The following MYO10 variants were observed in gnomAD, a reference collection of about 807,000 sequenced individuals.
MYO10 encodes the protein unconventional myosin-X.
Under a neutral mutation model 257.3 loss-of-function variants are expected in MYO10, and 133 were observed. That is an observed-to-expected ratio of 0.52 (90% CI 0.45 to 0.60). MYO10 has a LOEUF of 0.60. Among genes scored for constraint, MYO10 ranks in the 20% least tolerant of loss-of-function variants. The probability of loss-of-function intolerance (pLI) is 0.00; values close to 1 mark genes in which losing one functional copy is unlikely to be tolerated. For missense variants in MYO10, 2,399 were observed against 2,635.7 expected (o/e 0.91, Z 1.97); for synonymous variants, 1,104 against 1,028.6 (o/e 1.07, Z -1.40).
chr5:16,912,874 CA>C (rs1348411613), intron 1 of MYO10, among the ~76,000 whole-genome samples: 5 of 148,208 alleles, frequency 3.4e-5, no homozygotes, highest in African/African-American at 5.0e-5. Flanking sequence ...GATTGAATTT[CA>C]GCCTCCAGCA....
chr5:16,707,429 G>T (rs1002191911), intron 21 of MYO10, among the ~76,000 whole-genome samples: 2 of 152,186 alleles, frequency 1.3e-5, no homozygotes, highest in African/African-American at 4.8e-5. Context: ...CCACTCAGGC[G>T]CTGCTTGGCT....
At chr5:16,799,934 C>T (rs2126686434) in intron 3 of MYO10, among the ~76,000 whole-genome samples, 1 of 152,306 alleles carries the variant, frequency 6.6e-6, no homozygotes, top group Admixed American at 6.5e-5. Context: ...GTCCCTGCCA[C>T]CCCACACTAC....
chr5:16,860,045 G>A (rs1744065063), intron 2 of MYO10, among the ~76,000 whole-genome samples: 1 of 152,210 alleles, frequency 6.6e-6, no homozygotes, highest in Non-Finnish European at 1.5e-5. Flanking sequence ...AGATATTTCA[G>A]GAAGCTGCTT....
Position 16,828,789 on chromosome 5 carries a change from AACTACAG to A in MYO10, c.121-10629_121-10623del, listed in dbSNP as rs147783965. ...TCACTCTGTCACCCAGGCTGGAGTG[AACTACAG>A]CCTGGAACTCCCGGGCTCAAGCAGT... On this transcript the variant is annotated intron_variant, in intron 2 of 40. Transcript: ENST00000513610. Among the ~76,000 whole-genome samples, 133 of 152,086 alleles carry A rather than the reference AACTACAG, an allele frequency of 8.7e-4. 4 individuals are homozygous for A. In the East Asian group the frequency reaches 0.018, roughly 21 times the overall value.
Position 16,764,495 on chromosome 5 carries a change from T to C in MYO10, c.1180-99A>G, listed in dbSNP as rs1314976860. The C allele has an allele frequency of 3.7e-6, 5 of 1,335,036 alleles. No homozygotes were observed. The Admixed American group carries it at 6.8e-5, about 18-fold the overall frequency. The allele number at this position is 1,335,036 out of a possible 1,614,324, so 82.7% of individuals were successfully genotyped here. ...TTGAGAGACACACACAAGACTAGCA[T>C]AGCATCTGGCCCTCCAGTGTGAAGT... is the stretch of plus-strand genomic sequence containing the variant. On this transcript the variant is annotated intron_variant, in intron 11 of 40. Transcript: ENST00000513610.
rs548925437 is a variant in MYO10 at position 16,772,219 on chromosome 5, G to A, written c.931-3016C>T. Reference sequence around the variant, plus strand: ...ATGATCTCGGCTCACTACAACCTCCGCCTTCCGGGTTCAAGTGATTCTCCT... The same window carrying A: ...ATGATCTCGGCTCACTACAACCTCCACCTTCCGGGTTCAAGTGATTCTCCT... On this transcript the variant is annotated intron_variant, in intron 9 of 40. Coordinates refer to ENST00000513610, the MANE Select transcript of MYO10 (RefSeq NM_012334.3). Among the ~76,000 whole-genome samples, 237 of 150,548 alleles carry A rather than the reference G, an allele frequency of 1.6e-3. 1 individual carries two copies. Among genetic ancestry groups the A allele is most frequent in the African/African-American group, 5.7e-3 (233 of 41,010 alleles).
chr5:16,903,623 C>A (rs888960239), intron 1 of MYO10, among the ~76,000 whole-genome samples: 9 of 152,134 alleles, frequency 5.9e-5, no homozygotes, highest in African/African-American at 2.2e-4. Context: ...CACAAAGCAG[C>A]TAAGAGGTTA....
At position 16,716,198 on chromosome 5, in the gene MYO10, T is replaced by A. The variant is rs535395863; in HGVS notation, c.1930-4953A>T. On this transcript the variant is annotated intron_variant, in intron 19 of 40. Coordinates refer to ENST00000513610, the MANE Select transcript of MYO10 (RefSeq NM_012334.3). ...ATGTATACTTTGGATAATTTAATCC[T>A]ACCAAAAATAAGTAGAAATACTTAT... Among the ~76,000 whole-genome samples, 131 of 152,260 alleles carry A rather than the reference T, an allele frequency of 8.6e-4. 1 individual carries two copies. The highest frequency in any genetic ancestry group is 3.0e-3 in the African/African-American group (125 of 41,548).
chr5:16,880,408 G>C (rs166226), intron 1 of MYO10, among the ~76,000 whole-genome samples: 80,782 of 150,636 alleles, frequency 0.54, 21,900 homozygotes, highest in Admixed American at 0.58. Flanking sequence ...AGAGTTCCCC[G>C]GAGAGTTATA....
chr5:16,928,673 A>G (rs911653339), intron 1 of MYO10, among the ~76,000 whole-genome samples: 2 of 151,688 alleles, frequency 1.3e-5, no homozygotes, highest in African/African-American at 4.8e-5. Flanking sequence ...GTGAAACCCC[A>G]TCTCTACTAA....
At chr5:16,795,459 C>G in intron 3 of MYO10, among the ~76,000 whole-genome samples, 1 of 151,944 alleles carries the variant, frequency 6.6e-6, no homozygotes, top group East Asian at 1.9e-4. Flanking sequence ...CAAAAATTAG[C>G]CAGGCATGGT....
chr5:16,848,493 A>T (rs1419675298), intron 2 of MYO10, among the ~76,000 whole-genome samples: 1 of 152,022 alleles, frequency 6.6e-6, no homozygotes, highest in Non-Finnish European at 1.5e-5. Flanking sequence ...ATTAAGATCA[A>T]ATGCTGCTCT....
At chr5:16,738,282 G>T (rs1184917871) in intron 19 of MYO10, 5 of 985,312 alleles carry the variant, frequency 5.1e-6, no homozygotes, top group African/African-American at 1.7e-5. Flanking sequence ...GGAAGGAGGG[G>T]TGGTTAGCAG....
intron 1 of MYO10, among the ~76,000 whole-genome samples, chr5:16,931,869 T>A (rs1242070781): frequency 6.6e-6 from 1 of 152,110 alleles, no homozygotes; most frequent in Non-Finnish European, 1.5e-5. Flanking sequence ...AAAATAACAA[T>A]GTCCACATTT....
rs563500190 is a variant in MYO10 at position 16,821,530 on chromosome 5, G to A, written c.121-3363C>T. Among the ~76,000 whole-genome samples the A allele has an allele frequency of 4.9e-5, 6 of 123,168 alleles. 1 individual carries two copies. Among genetic ancestry groups the A allele is most frequent in the African/African-American group, 1.9e-4 (6 of 31,714 alleles). The allele number at this position is 123,168 out of a possible 152,430, so 80.8% of individuals were successfully genotyped here. On this transcript the variant is annotated intron_variant, in intron 2 of 40. Transcript: ENST00000513610. Reference sequence around the variant, plus strand: ...CACCCAGGCTGGAGTGCAGTGGCGCGATCTTGGCTCACTGCAACCTCCACC... The same window carrying A: ...CACCCAGGCTGGAGTGCAGTGGCGCAATCTTGGCTCACTGCAACCTCCACC...
rs560970050 is a variant in MYO10, at chr5:16,706,459, G to A, written c.2170-1774C>T. On this transcript the variant is annotated intron_variant, in intron 21 of 40. Coordinates refer to ENST00000513610, the MANE Select transcript of MYO10 (RefSeq NM_012334.3). ...GTTTTCATCAAGACTGGACTTTTAA[G>A]GAAGCATTTCAACTTCTCTGAGATT... Among the ~76,000 whole-genome samples the A allele has an allele frequency of 2.6e-5, 4 of 152,216 alleles. No individual in the cohort carries two copies. The South Asian group carries it at 6.2e-4, about 24-fold the overall frequency.
chr5:16,731,226 G>C (rs977351479), intron 19 of MYO10, among the ~76,000 whole-genome samples: 1 of 151,674 alleles, frequency 6.6e-6, no homozygotes, highest in African/African-American at 2.4e-5. Context: ...TGTATTTTTA[G>C]TAGAGATGGG....
At chr5:16,914,870 C>T (rs529590655) in intron 1 of MYO10, among the ~76,000 whole-genome samples, 1 of 152,326 alleles carries the variant, frequency 6.6e-6, no homozygotes, top group Admixed American at 6.5e-5. Context: ...TCCCATCTGG[C>T]TGTGGGACTT....
intron 3 of MYO10, among the ~76,000 whole-genome samples, chr5:16,803,368 C>T (rs552559933): frequency 2.0e-4 from 30 of 152,130 alleles, no homozygotes; most frequent in African/African-American, 6.5e-4. Flanking sequence ...GCAGAGGTTG[C>T]ATTGAACCAA....
Sources: allele counts gnomAD v4.1 joint callset (sites outside exome capture counted in the v4.1 genomes callset), GRCh38; gene constraint gnomAD v4.1.1; transcripts MANE v1.5; gene names NCBI Gene and HGNC (gene_info 2026-07-23, HGNC 2026-07-21).